TEAD1: variants seen among roughly 807,000 people sequenced by gnomAD.
TEAD1 encodes transcriptional enhancer factor TEF-1.
TEAD1 carries 9 observed loss-of-function variants against 54.9 expected under a neutral mutation model. The ratio of observed to expected loss-of-function variants is 0.16; its 90% CI spans 0.10 to 0.29. The LOEUF is 0.29. Ranked by LOEUF, TEAD1 falls within the 10% of genes least tolerant of loss-of-function variation. The pLI, the probability that TEAD1 is intolerant of heterozygous loss-of-function variation, is 1.00. For synonymous variants in TEAD1, 200 were observed against 187.8 expected (o/e 1.07, Z -0.53); for missense variants, 387 against 535.9 (o/e 0.72, Z 2.74).
intron 3 of TEAD1, among the ~76,000 whole-genome samples, chr11:12,797,946 A>G (rs1945971428): frequency 1.3e-5 from 2 of 152,090 alleles, no homozygotes; most frequent in Admixed American, 1.3e-4. Flanking sequence ...CCTTTGGATA[A>G]TTCTCATTAT....
In TEAD1 at chr11:12,736,228, T is replaced by A. The variant is rs567058611; in HGVS notation, c.-54-27951T>A. Among the ~76,000 whole-genome samples, 180 of 152,344 alleles carry A rather than the reference T, an allele frequency of 1.2e-3. 1 individual carries two copies. The highest frequency in any genetic ancestry group is 4.2e-3 in the African/African-American group (173 of 41,576). ...TCTTCCTCTCATTTACTATTTCTATTCAAAACTGGAATATGTGGACATGTG... is the reference window on the plus strand; with the variant it reads ...TCTTCCTCTCATTTACTATTTCTATACAAAACTGGAATATGTGGACATGTG... On this transcript the variant is annotated intron_variant, in intron 2 of 12. Coordinates refer to ENST00000527636, the MANE Select transcript of TEAD1 (RefSeq NM_021961.6).
At chr11:12,933,381 T>A (rs1949046372) in intron 12 of TEAD1, among the ~76,000 whole-genome samples, 1 of 152,200 alleles carries the variant, frequency 6.6e-6, no homozygotes, top group Admixed American at 6.5e-5. Flanking sequence ...AATAAAATCA[T>A]CTAATTGATG....
intron 2 of TEAD1, among the ~76,000 whole-genome samples, chr11:12,758,687 T>C (rs1025312849): frequency 2.6e-5 from 4 of 152,130 alleles, no homozygotes; most frequent in African/African-American, 7.2e-5. Flanking sequence ...GTGCTGGGAT[T>C]ACAGGCGTGG....
chr11:12,738,911 T>TA (rs1944590776), intron 2 of TEAD1, among the ~76,000 whole-genome samples: 1 of 152,092 alleles, frequency 6.6e-6, no homozygotes, highest in Admixed American at 6.6e-5. Context: ...ACTGGGGAGA[T>TA]AGACTTGTTG....
intron 3 of TEAD1, among the ~76,000 whole-genome samples, chr11:12,838,862 A>G (rs1946964255): frequency 6.6e-6 from 1 of 152,218 alleles, no homozygotes; most frequent in South Asian, 2.1e-4. Context: ...CTTGTTGGTT[A>G]TAGAGTGATA....
At chr11:12,810,327 G>A (rs1044450226) in intron 3 of TEAD1, among the ~76,000 whole-genome samples, 25 of 152,150 alleles carry the variant, frequency 1.6e-4, no homozygotes, top group Non-Finnish European at 3.5e-4. Context: ...CTGTTTAGAG[G>A]TGTAAGGGAG....
intron 3 of TEAD1, among the ~76,000 whole-genome samples, chr11:12,843,207 C>A (rs1205492769): frequency 3.3e-5 from 5 of 152,130 alleles, no homozygotes; most frequent in African/African-American, 9.7e-5. Flanking sequence ...TCTTGCTCTG[C>A]CAAATCTGTG....
chr11:12,792,336 G>T (rs972350360), intron 3 of TEAD1, among the ~76,000 whole-genome samples: 1 of 112,748 alleles, frequency 8.9e-6, no homozygotes, highest in Non-Finnish European at 1.8e-5. Context: ...TCAAGAAAAG[G>T]AAAGTAAAGG....
At chr11:12,732,693 G>A (rs1040359715) in intron 2 of TEAD1, among the ~76,000 whole-genome samples, 22 of 152,204 alleles carry the variant, frequency 1.4e-4, no homozygotes, top group African/African-American at 5.1e-4. Context: ...ATTCCTTAGT[G>A]GACAGTTGGT....
chr11:12,865,225 TCCA>T, intron 5 of TEAD1: 1 of 355,192 alleles, frequency 2.8e-6, no homozygotes, highest in South Asian at 3.0e-5. Context: ...CCTTCAGATG[TCCA>T]CCAAGCAGCC....
chr11:12,716,465 A>T (rs77946597), intron 2 of TEAD1, among the ~76,000 whole-genome samples: 1,695 of 151,958 alleles, frequency 0.011, 28 homozygotes, highest in African/African-American at 0.039. Flanking sequence ...AATCCTTTTT[A>T]TTTTCCCCCC....
chr11:12,927,381 C>G (rs996321822), intron 11 of TEAD1, among the ~76,000 whole-genome samples: 1 of 152,134 alleles, frequency 6.6e-6, no homozygotes, highest in Non-Finnish European at 1.5e-5. Flanking sequence ...TCCTGGAGTC[C>G]CACTGTTCTA....
At chr11:12,908,100 C>G (rs1233610224) in intron 10 of TEAD1, among the ~76,000 whole-genome samples, 1 of 152,114 alleles carries the variant, frequency 6.6e-6, no homozygotes, top group Non-Finnish European at 1.5e-5. Flanking sequence ...AAAGACTGGC[C>G]TTTCTGGGTC....
At chr11:12,824,788 C>T (rs923245908) in intron 3 of TEAD1, among the ~76,000 whole-genome samples, 11 of 152,156 alleles carry the variant, frequency 7.2e-5, no homozygotes, top group African/African-American at 1.2e-4. Context: ...GGGCCGGGCT[C>T]CTGGCCTGGC....
At chr11:12,780,418 A>G (rs1425774398) in intron 3 of TEAD1, among the ~76,000 whole-genome samples, 2 of 151,740 alleles carry the variant, frequency 1.3e-5, no homozygotes, top group African/African-American at 2.4e-5. Context: ...TAAGTTTTGT[A>G]TTTTTAGTAG....
chr11:12,865,434 C>CA (rs1337701479), intron 5 of TEAD1: 1 of 158,646 alleles, frequency 6.3e-6, no homozygotes, highest in African/African-American at 2.4e-5. Context: ...TCTCTTCCCT[C>CA]AGAGTATTTT....
chr11:12,881,904 CTTT>C lies in TEAD1; in HGVS notation c.523_525del (p.Phe175del). On this transcript the variant is annotated inframe_deletion, in exon 8 of 13. Transcript: ENST00000527636. Reference sequence around the variant, plus strand: ...CATCTCTCTGTTCCCAGCGTCAAGCCTTTTGTGCAGCAGGCCTACCCCATCCAG... The same window carrying C: ...CATCTCTCTGTTCCCAGCGTCAAGCCTGTGCAGCAGGCCTACCCCATCCAG... 12 of 1,614,190 alleles carry C rather than the reference CTTT, an allele frequency of 7.4e-6. No homozygotes were observed. The highest frequency in any genetic ancestry group is 9.3e-6 in the Non-Finnish European group (11 of 1,180,024).
chr11:12,848,932 A>T (rs1047207531), intron 3 of TEAD1: 1 of 152,174 alleles, frequency 6.6e-6, no homozygotes, highest in Non-Finnish European at 1.5e-5. Flanking sequence ...CCTGGGCAAC[A>T]GAGTGAGACG....
At chr11:12,904,228 A>C (rs975647849) in intron 10 of TEAD1, among the ~76,000 whole-genome samples, 2 of 151,922 alleles carry the variant, frequency 1.3e-5, no homozygotes, top group East Asian at 3.9e-4. Flanking sequence ...CATGAATTTT[A>C]TTACAACCTA....
Sources: gnomAD v4.1 joint callset for allele counts (sites outside exome capture counted in the v4.1 genomes callset) on GRCh38, gnomAD v4.1.1 for gene constraint, MANE v1.5 for transcripts, NCBI Gene and HGNC (gene_info 2026-07-23, HGNC 2026-07-21) for gene names.